The following MAP2K6 variants were observed in gnomAD, a reference collection of about 807,000 sequenced individuals.
MAP2K6 encodes the protein dual specificity mitogen-activated protein kinase kinase 6.
MAP2K6 carries 16 observed loss-of-function variants against 53.7 expected under a neutral mutation model. The observed-to-expected ratio is 0.30, with a 90% CI of 0.20 to 0.45. The LOEUF (loss-of-function observed/expected upper bound fraction) is 0.45. Ranked by LOEUF, MAP2K6 falls within the 20% of genes least tolerant of loss-of-function variation. The pLI, the probability that MAP2K6 is intolerant of heterozygous loss-of-function variation, is 1.00. For missense variants in MAP2K6, 204 were observed against 411.9 expected, an observed-to-expected ratio of 0.50 and a Z score of 4.37; for synonymous variants, 132 against 143.1, an observed-to-expected ratio of 0.92 and a Z score of 0.55.
intron 1 of MAP2K6, among the ~76,000 whole-genome samples, chr17:69,461,570 G>T (rs550050979): frequency 1.3e-5 from 2 of 152,254 alleles, no homozygotes; most frequent in Admixed American, 6.5e-5. Context: ...GCCTGACAGG[G>T]TTGTTTTTGT....
Position 69,414,721 on chromosome 17 carries a change from T to A in MAP2K6, c.-264T>A, listed in dbSNP as rs964316789. 4.7e-6 allele frequency: 2 copies of A among 425,998 alleles called. No individual in the cohort carries two copies. The highest frequency in any genetic ancestry group is 4.0e-5 in the African/African-American group (2 of 49,530). 26.4% of individuals were successfully genotyped at this position (425,998 alleles called of 1,614,324 possible). Reference sequence around the variant, plus strand: ...CAGTTCCAAGTTTGGAGCTTTTAGCTGCCAGCCCTGGCCCATCATGTAGCT... The same window carrying A: ...CAGTTCCAAGTTTGGAGCTTTTAGCAGCCAGCCCTGGCCCATCATGTAGCT... On this transcript the variant is annotated 5_prime_UTR_variant, in exon 1 of 12. Transcript: ENST00000590474.
intron 1 of MAP2K6, among the ~76,000 whole-genome samples, chr17:69,421,747 G>T (rs778015902): frequency 6.6e-6 from 1 of 151,796 alleles, no homozygotes; most frequent in Non-Finnish European, 1.5e-5. Context: ...ATTTCACCGT[G>T]TTAGCCAGGA....
chr17:69,520,160 C>T (rs941156667), intron 5 of MAP2K6, 110 bp from the exon 6 acceptor site: 3 of 633,362 alleles, frequency 4.7e-6, no homozygotes, highest in Non-Finnish European at 2.7e-6. Context: ...CCCCAAAATT[C>T]AAGAAAGAAA....
chr17:69,479,719 CTTT>C (rs557461445), intron 1 of MAP2K6, among the ~76,000 whole-genome samples: 8 of 137,194 alleles, frequency 5.8e-5, no homozygotes, highest in Admixed American at 7.4e-5. Flanking sequence ...TCCTTTTGTT[CTTT>C]TTTTTTTTTT....
intron 2 of MAP2K6, among the ~76,000 whole-genome samples, chr17:69,506,315 G>A (rs1909467730): frequency 6.6e-6 from 1 of 151,954 alleles, no homozygotes; most frequent in East Asian, 1.9e-4. Flanking sequence ...TTTTTTATTA[G>A]CTGAGGTTTT....
chr17:69,483,878 C>T (rs1231164017), intron 1 of MAP2K6, among the ~76,000 whole-genome samples: 1 of 151,994 alleles, frequency 6.6e-6, no homozygotes, highest in African/African-American at 2.4e-5. Context: ...GTTGCTTGGA[C>T]TGCTGGATAT....
At position 69,536,135 on chromosome 17, in the gene MAP2K6, A is replaced by G; in HGVS notation, c.902A>G (p.Glu301Gly). ...TTAAGCTTAAAGAAGAATTCCAAAG[A>G]ACGGCCTACATACCCAGAGCTAATG... is the stretch of plus-strand genomic sequence containing the variant. ...TSQCLKKNSK[E>G]RPTYPELMQH... is the part of the protein sequence containing the mutation. Residue 301 changes from glutamate to glycine, a missense_variant, in exon 11 of 12, where the codon GAA (glutamate) becomes GGA (glycine). By Grantham distance (98) the Glu-to-Gly change is moderately conservative. Coordinates refer to ENST00000590474, the MANE Select transcript of MAP2K6 (RefSeq NM_002758.4). 1.9e-6 allele frequency: 3 copies of G among 1,611,360 alleles called. No homozygotes were observed. The highest frequency in any genetic ancestry group is 1.7e-6 in the Non-Finnish European group (2 of 1,178,236).
chr17:69,519,611 T>C (rs1910360321), intron 5 of MAP2K6, 179 bp downstream of exon 5: 3 of 645,596 alleles, frequency 4.6e-6, no homozygotes, highest in Non-Finnish European at 7.6e-6. Flanking sequence ...GAAATTATGG[T>C]ATTTTCAAAT....
chr17:69,539,666 G>A (rs2062715975), intron 11 of MAP2K6, among the ~76,000 whole-genome samples: 1 of 152,116 alleles, frequency 6.6e-6, no homozygotes, highest in Non-Finnish European at 1.5e-5. Flanking sequence ...GCAGACTCAG[G>A]CAACATCTAC....
intron 1 of MAP2K6, among the ~76,000 whole-genome samples, chr17:69,502,894 T>C (rs1909243281): frequency 6.6e-6 from 1 of 152,252 alleles, no homozygotes; most frequent in South Asian, 2.1e-4. Context: ...GTGTAATAAT[T>C]AATTGCTGTT....
intron 2 of MAP2K6, among the ~76,000 whole-genome samples, chr17:69,515,479 C>T (rs1910094548): frequency 1.3e-5 from 2 of 152,152 alleles, no homozygotes; most frequent in African/African-American, 4.8e-5. Flanking sequence ...GTTTATTGTA[C>T]TACTGTTGGT....
rs577240824 is a variant in MAP2K6 at position 69,553,397 on chromosome 17, C to T, written c.*11644C>T. 9.2e-5 allele frequency: 14 copies of T among 152,296 alleles called. No individual in the cohort carries two copies. Among genetic ancestry groups the T allele is most frequent in the South Asian group, 4.1e-4 (2 of 4,822 alleles). 9.4% of individuals were successfully genotyped at this position (152,296 alleles called of 1,614,324 possible). A position where few individuals can be genotyped will look rare whatever the true frequency, so the allele number is the denominator to read the frequency against. On this transcript the variant is annotated 3_prime_UTR_variant, in exon 12 of 12. Transcript: ENST00000590474. ...GATATTAAACCATGTGGTTGTTCCA[C>T]GGTTCATCTGGCTACCGTTCTGGGT...
intron 2 of MAP2K6, among the ~76,000 whole-genome samples, chr17:69,508,091 G>C (rs1909622145): frequency 1.4e-5 from 1 of 73,008 alleles, no homozygotes; most frequent in Non-Finnish European, 2.5e-5. Flanking sequence ...CGCTCTTGTT[G>C]CCCAGGCTGC....
chr17:69,541,155 C>T (rs960174086), intron 11 of MAP2K6, among the ~76,000 whole-genome samples: 3 of 152,028 alleles, frequency 2.0e-5, no homozygotes, highest in Admixed American at 6.6e-5. Flanking sequence ...CCCAGCTACT[C>T]GGGAGGCTGA....
intron 7 of MAP2K6, 178 bp downstream of exon 7, chr17:69,521,278 G>T (rs1426817086): frequency 8.4e-6 from 4 of 477,012 alleles, no homozygotes; most frequent in Middle Eastern, 4.1e-4. Context: ...CCTTATCATG[G>T]CTGAGGACAT....
At chr17:69,432,406 T>C (rs2145138503) in intron 1 of MAP2K6, among the ~76,000 whole-genome samples, 1 of 152,288 alleles carries the variant, frequency 6.6e-6, no homozygotes, top group Non-Finnish European at 1.5e-5. Context: ...CCAACCCAAA[T>C]GCCCATCAAT....
intron 1 of MAP2K6, chr17:69,502,433 A>G: frequency 1.0e-6 from 1 of 985,340 alleles, no homozygotes; most frequent in Non-Finnish European, 1.2e-6. Flanking sequence ...CGAACTGCAG[A>G]GTGTTGCTGT....
At chr17:69,508,273 G>A (rs1359223165) in intron 2 of MAP2K6, among the ~76,000 whole-genome samples, 1 of 151,000 alleles carries the variant, frequency 6.6e-6, no homozygotes, top group Non-Finnish European at 1.5e-5. Flanking sequence ...TGGCCAGGCT[G>A]GTCTGCTGGT....
intron 1 of MAP2K6, among the ~76,000 whole-genome samples, chr17:69,493,398 A>G (rs1478593465): frequency 6.6e-6 from 1 of 152,210 alleles, no homozygotes; most frequent in Non-Finnish European, 1.5e-5. Flanking sequence ...CCTGTTATAA[A>G]AACGAGCAGA....
Sources: gnomAD v4.1 joint callset for allele counts (sites outside exome capture counted in the v4.1 genomes callset) on GRCh38, gnomAD v4.1.1 for gene constraint, MANE v1.5 for transcripts, NCBI Gene and HGNC (gene_info 2026-07-23, HGNC 2026-07-21) for gene names.